FAF2: variants seen among roughly 807,000 people sequenced by gnomAD.
FAF2 encodes the protein Fas associated factor family member 2.
In FAF2, 9 loss-of-function variants were observed where a neutral mutation model predicts 62.3. That is an observed-to-expected ratio of 0.14 (90% CI 0.09 to 0.25). FAF2 has a LOEUF of 0.25. Ranked by LOEUF, FAF2 falls within the 10% of genes least tolerant of loss-of-function variation. The pLI is 1.00. For missense variants in FAF2, 368 were observed against 556.2 expected, an observed-to-expected ratio of 0.66 and a Z score of 3.40; for synonymous variants, 202 against 198.0, an observed-to-expected ratio of 1.02 and a Z score of -0.17.
At position 176,509,692 on chromosome 5, in the gene FAF2, T is replaced by TA. The variant is rs1312135594; in HGVS notation, c.*2744dup. 10 of 152,654 alleles carry TA rather than the reference T, an allele frequency of 6.6e-5. No homozygotes were observed. Among genetic ancestry groups the TA allele is most frequent in the Admixed American group, 6.5e-4 (10 of 15,268 alleles). The allele number at this position is 152,654 out of a possible 1,614,324, so 9.5% of individuals were successfully genotyped here. A position where few individuals can be genotyped will look rare whatever the true frequency, so the allele number is the denominator to read the frequency against. Reference sequence around the variant, plus strand: ...ATTTGAATAAGAGATGGCCAGAGGATAACACTTGTCTCTTAAAAACTAAGC... The same window carrying TA: ...ATTTGAATAAGAGATGGCCAGAGGATAAACACTTGTCTCTTAAAAACTAAGC... On this transcript the variant is annotated 3_prime_UTR_variant, in exon 11 of 11. Coordinates refer to ENST00000261942, the MANE Select transcript of FAF2 (RefSeq NM_014613.3).
At chr5:176,466,180 T>C (rs1758464237) in intron 1 of FAF2, among the ~76,000 whole-genome samples, 3 of 152,246 alleles carry the variant, frequency 2.0e-5, no homozygotes, top group Admixed American at 2.0e-4. Flanking sequence ...TAAATTACTT[T>C]AGATCAGAGC....
rs769896857 is a variant in FAF2 at position 176,482,681 on chromosome 5, T to A, written c.132+3425T>A. Among the ~76,000 whole-genome samples the A allele has an allele frequency of 7.0e-4, 107 of 152,264 alleles. 1 individual carries two copies. Among genetic ancestry groups the A allele is most frequent in the Non-Finnish European group, 1.0e-3 (71 of 68,026 alleles). On this transcript the variant is annotated intron_variant, in intron 2 of 10. Coordinates refer to ENST00000261942, the MANE Select transcript of FAF2 (RefSeq NM_014613.3). ...ACACCACCACATCCAGCTAATATTT[T>A]ATTTTTTTATTTTTTGTACAGATGG... is the stretch of plus-strand genomic sequence containing the variant.
chr5:176,463,135 G>A (rs1050619873), intron 1 of FAF2, among the ~76,000 whole-genome samples: 1 of 152,122 alleles, frequency 6.6e-6, no homozygotes, highest in Non-Finnish European at 1.5e-5. Flanking sequence ...GCTCATGCCT[G>A]TAATCCCAGC....
At chr5:176,467,786 T>A (rs1758496587) in intron 1 of FAF2, among the ~76,000 whole-genome samples, 1 of 152,132 alleles carries the variant, frequency 6.6e-6, no homozygotes, top group Non-Finnish European at 1.5e-5. Flanking sequence ...TCTTACAGGA[T>A]TGTTGAGGAA....
At chr5:176,493,894 T>C in intron 5 of FAF2, 105 bp from the exon 6 acceptor site, 1 of 753,064 alleles carries the variant, frequency 1.3e-6, no homozygotes, top group Non-Finnish European at 2.2e-6. Context: ...TCCTTATTTT[T>C]CCTTTTGTTC....
At chr5:176,473,241 C>T (rs1581062937) in intron 1 of FAF2, among the ~76,000 whole-genome samples, 1 of 152,122 alleles carries the variant, frequency 6.6e-6, no homozygotes, top group African/African-American at 2.4e-5. Flanking sequence ...GTTTCTTGAG[C>T]TTTTATTGTT....
chr5:176,457,269 A>G (rs932601389), intron 1 of FAF2, among the ~76,000 whole-genome samples: 1 of 151,978 alleles, frequency 6.6e-6, no homozygotes, highest in African/African-American at 2.4e-5. Context: ...GCTCACTACA[A>G]CCTTTGTCTC....
chr5:176,448,988 C>T (rs1017147602), intron 1 of FAF2, among the ~76,000 whole-genome samples: 1 of 152,138 alleles, frequency 6.6e-6, no homozygotes, highest in Non-Finnish European at 1.5e-5. Context: ...ATCTGGTCCC[C>T]GCCCTAGAGG....
In FAF2 at chr5:176,509,450, A is replaced by C. The variant is rs1474363316; in HGVS notation, c.*2500A>C. 6.6e-6 allele frequency: 1 copy of C among 152,254 alleles called. No individual in the cohort carries two copies. The highest frequency in any genetic ancestry group is 1.5e-5 in the Non-Finnish European group (1 of 68,042). The allele number at this position is 152,254 out of a possible 1,614,324, so 9.4% of individuals were successfully genotyped here. On this transcript the variant is annotated 3_prime_UTR_variant, in exon 11 of 11. Transcript: ENST00000261942. Reference sequence around the variant, plus strand: ...AGCTGTTGTTTCCAAATGGCAAATCATCAACTAAAAGCACTTGTTTCAAGT... The same window carrying C: ...AGCTGTTGTTTCCAAATGGCAAATCCTCAACTAAAAGCACTTGTTTCAAGT...
At chr5:176,457,458 T>C (rs1301726437) in intron 1 of FAF2, among the ~76,000 whole-genome samples, 1 of 152,230 alleles carries the variant, frequency 6.6e-6, no homozygotes, top group Admixed American at 6.5e-5. Flanking sequence ...CCCAAAGTGC[T>C]GTGATTACAG....
rs371095684 is a variant in FAF2 at position 176,480,769 on chromosome 5, C to T, written c.132+1513C>T. ...AGAATTTCAGTTTGTAATAAATGAC[C>T]GGAGGGGAACATCACACACGGGGCC... On this transcript the variant is annotated intron_variant, in intron 2 of 10. Transcript: ENST00000261942. Among the ~76,000 whole-genome samples the T allele has an allele frequency of 7.3e-3, 852 of 116,800 alleles. 9 individuals are homozygous for T. The highest frequency in any genetic ancestry group is 0.027 in the African/African-American group (805 of 30,018). The allele number at this position is 116,800 out of a possible 152,430, so 76.6% of individuals were successfully genotyped here. A position where few individuals can be genotyped will look rare whatever the true frequency, so the allele number is the denominator to read the frequency against.
At chr5:176,486,573 G>A in intron 3 of FAF2, 84 bp downstream of exon 3, 2 of 1,380,060 alleles carry the variant, frequency 1.4e-6, no homozygotes, top group East Asian at 2.4e-5. Flanking sequence ...TGTGACAGGA[G>A]CAAAACAAAT....
At position 176,480,340 on chromosome 5, in the gene FAF2, G is replaced by A. The variant is rs191779812; in HGVS notation, c.132+1084G>A. 2.1e-3 allele frequency among the ~76,000 whole-genome samples: 313 copies of A among 148,160 alleles called. 4 individuals carry two copies. The highest frequency in any genetic ancestry group is 7.4e-3 in the African/African-American group (296 of 40,070). ...TAAAATGTATTCCTAATATGATTTC[G>A]TTATTCAACACATTTTTGAGCAATT... On this transcript the variant is annotated intron_variant, in intron 2 of 10. Coordinates refer to ENST00000261942, the MANE Select transcript of FAF2 (RefSeq NM_014613.3).
At chr5:176,449,726 A>G in intron 1 of FAF2, among the ~76,000 whole-genome samples, 1 of 152,354 alleles carries the variant, frequency 6.6e-6, no homozygotes, top group Non-Finnish European at 1.5e-5. Flanking sequence ...TGATACACTT[A>G]TTTCCTTATA....
intron 1 of FAF2, among the ~76,000 whole-genome samples, chr5:176,459,076 C>T (rs1213057458): frequency 2.0e-5 from 3 of 152,110 alleles, no homozygotes; most frequent in Admixed American, 2.0e-4. Context: ...TTTGTGCTTG[C>T]TGCATGATAG....
At chr5:176,479,566 A>G (rs1372452527) in intron 2 of FAF2, among the ~76,000 whole-genome samples, 1 of 152,076 alleles carries the variant, frequency 6.6e-6, no homozygotes, top group Non-Finnish European at 1.5e-5. Context: ...TACATATTTT[A>G]TAGTTTATTC....
intron 1 of FAF2, among the ~76,000 whole-genome samples, chr5:176,465,096 G>A (rs1407160201): frequency 6.6e-6 from 1 of 152,086 alleles, no homozygotes; most frequent in African/African-American, 2.4e-5. Context: ...TCACCATGTT[G>A]GCCAGGCTGG....
intron 1 of FAF2, among the ~76,000 whole-genome samples, chr5:176,454,507 G>A (rs1167090246): frequency 6.8e-6 from 1 of 147,854 alleles, no homozygotes; most frequent in Admixed American, 6.8e-5. Flanking sequence ...GAACTCAGGA[G>A]GTGGAGGTAC....
At chr5:176,455,022 C>T (rs1039252946) in intron 1 of FAF2, among the ~76,000 whole-genome samples, 2 of 151,844 alleles carry the variant, frequency 1.3e-5, no homozygotes, top group African/African-American at 2.4e-5. Flanking sequence ...GAGTTTTCAT[C>T]GATACGAAAA....
Sources: gnomAD v4.1 joint callset for allele counts (sites outside exome capture counted in the v4.1 genomes callset) on GRCh38, gnomAD v4.1.1 for gene constraint, MANE v1.5 for transcripts, NCBI Gene and HGNC (gene_info 2026-07-23, HGNC 2026-07-21) for gene names.